The following SYT14 variants were observed in gnomAD, a reference collection of about 807,000 sequenced individuals.
SYT14 encodes the protein synaptotagmin-14.
In SYT14, 32 loss-of-function variants were observed where a neutral mutation model predicts 74.2. That is an observed-to-expected ratio of 0.43 (90% confidence interval 0.33 to 0.58). SYT14 has a LOEUF of 0.58. SYT14 is among the 20% of genes least tolerant of loss of function. The pLI is 0.05. For synonymous variants in SYT14, 298 were observed against 337.7 expected (o/e 0.88, Z 1.29); for missense variants, 791 against 981.8 (o/e 0.81, Z 2.60).
intron 7 of SYT14, among the ~76,000 whole-genome samples, chr1:210,136,698 G>A (rs1336794922): frequency 6.6e-6 from 1 of 152,122 alleles, no homozygotes; most frequent in African/African-American, 2.4e-5. Flanking sequence ...GAAAAAAGAG[G>A]TGTAGTTAGC....
At chr1:210,154,776 C>T (rs2083235627) in intron 7 of SYT14, among the ~76,000 whole-genome samples, 1 of 152,038 alleles carries the variant, frequency 6.6e-6, no homozygotes, top group African/African-American at 2.4e-5. Flanking sequence ...AATCAAAAAA[C>T]ATTATGAATA....
chr1:210,006,398 C>CTCTA (rs1445831141), intron 2 of SYT14, among the ~76,000 whole-genome samples: 2 of 151,914 alleles, frequency 1.3e-5, no homozygotes, highest in East Asian at 3.8e-4. Flanking sequence ...ATGAATAATT[C>CTCTA]TCTATGTCCA....
In SYT14 at chr1:210,121,590, T is replaced by C. The variant is rs537473233; in HGVS notation, c.2034+21129T>C. On this transcript the variant is annotated intron_variant, in intron 7 of 9. Transcript: ENST00000637265. Reference sequence around the variant, plus strand: ...TGGGCGGATCACAAGGTCAGGAGATTGAGACCATCCTGGCTAACATGGTGA... The same window carrying C: ...TGGGCGGATCACAAGGTCAGGAGATCGAGACCATCCTGGCTAACATGGTGA... Among the ~76,000 whole-genome samples, 367 of 152,098 alleles carry C rather than the reference T, an allele frequency of 2.4e-3. 2 individuals are homozygous for C. The highest frequency in any genetic ancestry group is 0.014 in the Middle Eastern group (4 of 294).
chr1:210,136,336 G>T (rs895376421), intron 7 of SYT14, among the ~76,000 whole-genome samples: 7 of 152,126 alleles, frequency 4.6e-5, no homozygotes, highest in Non-Finnish European at 1.0e-4. Flanking sequence ...AGGGAACGGG[G>T]TCAGTGATTT....
At chr1:210,133,513 T>C (rs557065625) in intron 7 of SYT14, among the ~76,000 whole-genome samples, 42 of 152,192 alleles carry the variant, frequency 2.8e-4, no homozygotes, top group Non-Finnish European at 5.7e-4. Context: ...TTAAATCTGA[T>C]TGAGTAGCTG....
intron 2 of SYT14, among the ~76,000 whole-genome samples, chr1:210,012,067 A>T (rs1572155498): frequency 6.6e-6 from 1 of 152,320 alleles, no homozygotes; most frequent in African/African-American, 2.4e-5. Context: ...AGCTTATCAT[A>T]AAAGAATTTC....
rs1019337023 is a variant in SYT14, at chr1:210,031,401, C to G, written c.1312+10147C>G. ...CTGTAGTTTTCTTTTCTTGTAATGT[C>G]TTTGGTATTAGGGTGATGCTGGCCT... On this transcript the variant is annotated intron_variant, in intron 5 of 9. Transcript: ENST00000637265. Among the ~76,000 whole-genome samples, 5 of 151,870 alleles carry G rather than the reference C, an allele frequency of 3.3e-5. No homozygotes were observed. The East Asian group carries it at 7.7e-4, about 23-fold the overall frequency.
At chr1:210,016,331 G>C (rs1240833604) in exon 4 of SYT14, 1 of 1,231,956 alleles carries the variant, frequency 8.1e-7, no homozygotes, top group African/African-American at 1.6e-5. Flanking sequence ...ACTAAAGCAA[G>C]ATCAAGGAAT....
chr1:210,065,350 T>C (rs2081277739), intron 5 of SYT14, among the ~76,000 whole-genome samples: 1 of 152,018 alleles, frequency 6.6e-6, no homozygotes, highest in South Asian at 2.1e-4. Context: ...TGAGTTCTCA[T>C]GAGATCTGAT....
At position 209,978,737 on chromosome 1, in the gene SYT14, G is replaced by A. The variant is rs6703120; in HGVS notation, c.-486+25981G>A. Among the ~76,000 whole-genome samples, 1,324 of 152,346 alleles carry A rather than the reference G, an allele frequency of 8.7e-3. 9 individuals are homozygous for A. The highest frequency in any genetic ancestry group is 0.02 in the Middle Eastern group (6 of 294). Reference sequence around the variant, plus strand: ...ACCACTACTCTCTTCAAAGCTGTCAGACAGTGACATTTAAGTCTGCAGAGG... The same window carrying A: ...ACCACTACTCTCTTCAAAGCTGTCAAACAGTGACATTTAAGTCTGCAGAGG... On this transcript the variant is annotated intron_variant, in intron 2 of 9. Transcript: ENST00000637265.
At chr1:210,053,679 G>T (rs1301285554) in intron 5 of SYT14, among the ~76,000 whole-genome samples, 2 of 152,138 alleles carry the variant, frequency 1.3e-5, no homozygotes, top group Admixed American at 6.5e-5. Flanking sequence ...TGTGGATTGT[G>T]TCTATAGTTT....
chr1:210,116,561 G>A (rs2082365609), intron 7 of SYT14, among the ~76,000 whole-genome samples: 1 of 152,132 alleles, frequency 6.6e-6, no homozygotes, highest in South Asian at 2.1e-4. Context: ...TGGCCAGGCT[G>A]GTCTCAAACT....
intron 5 of SYT14, among the ~76,000 whole-genome samples, chr1:210,022,796 C>T (rs1051312747): frequency 6.6e-6 from 1 of 152,080 alleles, no homozygotes; most frequent in African/African-American, 2.4e-5. Flanking sequence ...TGAGCAAGCC[C>T]TGAGTGTGCA....
intron 7 of SYT14, among the ~76,000 whole-genome samples, chr1:210,119,471 G>T (rs1424869309): frequency 2.0e-5 from 3 of 152,152 alleles, no homozygotes; most frequent in African/African-American, 7.2e-5. Flanking sequence ...TAAATTGAAT[G>T]AAATTGTTTA....
At chr1:210,074,131 G>GCCTCA (rs1386506354) in intron 5 of SYT14, among the ~76,000 whole-genome samples, 3 of 152,084 alleles carry the variant, frequency 2.0e-5, no homozygotes, top group Non-Finnish European at 4.4e-5. Flanking sequence ...TCCTTTCTGA[G>GCCTCA]CCTCACCTAC....
intron 7 of SYT14, among the ~76,000 whole-genome samples, chr1:210,125,675 T>G (rs968095779): frequency 6.6e-6 from 1 of 152,176 alleles, no homozygotes; most frequent in African/African-American, 2.4e-5. Flanking sequence ...GAATTAAATC[T>G]CTTTCTTAAA....
intron 7 of SYT14, among the ~76,000 whole-genome samples, chr1:210,146,340 A>G (rs1313613828): frequency 5.3e-5 from 8 of 150,970 alleles, no homozygotes; most frequent in African/African-American, 1.7e-4. Flanking sequence ...CTCAAAAAAA[A>G]AGAAAAAACA....
At chr1:210,096,628 G>A (rs780344078) in intron 6 of SYT14, among the ~76,000 whole-genome samples, 1 of 152,110 alleles carries the variant, frequency 6.6e-6, no homozygotes, top group South Asian at 2.1e-4. Context: ...TTTGAACAAG[G>A]GTATCAAGAG....
chr1:210,039,782 C>A (rs578105877), intron 5 of SYT14, among the ~76,000 whole-genome samples: 1 of 152,244 alleles, frequency 6.6e-6, no homozygotes, highest in African/African-American at 2.4e-5. Context: ...TGCAAAAAAG[C>A]TCATCATCAC....
Sources: allele counts gnomAD v4.1 joint callset (sites outside exome capture counted in the v4.1 genomes callset), GRCh38; gene constraint gnomAD v4.1.1; transcripts MANE v1.5; gene names NCBI Gene and HGNC (gene_info 2026-07-23, HGNC 2026-07-21).